PPARGC1A: variants seen among roughly 807,000 people sequenced by gnomAD.
The protein encoded by PPARGC1A is PPARG coactivator 1 alpha, also known as peroxisome proliferator-activated receptor gamma coactivator 1-alpha.
In PPARGC1A, 25 loss-of-function variants were observed where a neutral mutation model predicts 88.7. The observed-to-expected ratio is 0.28, with a 90% CI of 0.21 to 0.39. PPARGC1A has a LOEUF of 0.39. PPARGC1A is among the 10% of genes least tolerant of loss of function. The pLI is 1.00. For missense variants in PPARGC1A, 880 were observed against 968.7 expected, an observed-to-expected ratio of 0.91 and a Z score of 1.22; for synonymous variants, 363 against 355.6, an observed-to-expected ratio of 1.02 and a Z score of -0.24.
the PPARGC1A span, among the ~76,000 whole-genome samples, chr4:24,416,741 G>A: frequency 6.6e-6 from 1 of 152,096 alleles, no homozygotes; most frequent in Non-Finnish European, 1.5e-5. Flanking sequence ...TTAAAAACAG[G>A]GAAACATGGC....
the PPARGC1A span, among the ~76,000 whole-genome samples, chr4:24,000,325 A>G: frequency 6.6e-6 from 1 of 152,166 alleles, no homozygotes; most frequent in East Asian, 1.9e-4. Flanking sequence ...TTCTGTTGCT[A>G]TAACAGTTAC....
At chr4:24,460,727 G>C in the PPARGC1A span, among the ~76,000 whole-genome samples, 1 of 152,098 alleles carries the variant, frequency 6.6e-6, no homozygotes, top group Non-Finnish European at 1.5e-5. Context: ...CACAAAGAAA[G>C]ACCTAAAGGA....
chr4:24,078,253 C>A, the PPARGC1A span, among the ~76,000 whole-genome samples: 2 of 152,008 alleles, frequency 1.3e-5, no homozygotes, highest in African/African-American at 4.8e-5. Flanking sequence ...AACTTTACTG[C>A]AATGTGACAT....
chr4:24,299,678 G>A, the PPARGC1A span, among the ~76,000 whole-genome samples: 5 of 151,984 alleles, frequency 3.3e-5, no homozygotes, highest in East Asian at 1.9e-4. Context: ...CTGTGGCACC[G>A]AGCATAACAA....
the PPARGC1A span, among the ~76,000 whole-genome samples, chr4:24,316,265 G>C: frequency 6.6e-6 from 1 of 152,206 alleles, no homozygotes; most frequent in African/African-American, 2.4e-5. Context: ...GAGACAGCTA[G>C]ACCAGGATAG....
chr4:23,913,904 C>A, the PPARGC1A span, among the ~76,000 whole-genome samples: 10 of 152,210 alleles, frequency 6.6e-5, no homozygotes, highest in Non-Finnish European at 1.5e-4. Flanking sequence ...ATTCTACAGG[C>A]TGCACCTCAG....
chr4:23,843,076 A>T (rs1727350830), intron 2 of PPARGC1A, among the ~76,000 whole-genome samples: 1 of 152,066 alleles, frequency 6.6e-6, no homozygotes, highest in Admixed American at 6.6e-5. Flanking sequence ...GGCAGTCCTA[A>T]GGCAGCTCAG....
At chr4:24,251,720 C>T in the PPARGC1A span, among the ~76,000 whole-genome samples, 4 of 152,118 alleles carry the variant, frequency 2.6e-5, no homozygotes, top group Admixed American at 1.3e-4. Context: ...GGTCATTTTT[C>T]TGAGATTCTA....
At chr4:24,120,429 T>A in the PPARGC1A span, among the ~76,000 whole-genome samples, 1 of 152,192 alleles carries the variant, frequency 6.6e-6, no homozygotes, top group Non-Finnish European at 1.5e-5. Context: ...ACTTATTAGG[T>A]ACTGATTCCT....
chr4:24,431,264 A>G, the PPARGC1A span, among the ~76,000 whole-genome samples: 5 of 152,254 alleles, frequency 3.3e-5, no homozygotes, highest in South Asian at 4.1e-4. Context: ...TTCTAGATGG[A>G]AAGATTGATG....
the PPARGC1A span, among the ~76,000 whole-genome samples, chr4:24,345,969 G>T: frequency 1.3e-5 from 2 of 152,078 alleles, no homozygotes. Context: ...TGCTGATTTT[G>T]CTGAGAGTTT....
At chr4:24,175,663 C>G in the PPARGC1A span, among the ~76,000 whole-genome samples, 1 of 150,756 alleles carries the variant, frequency 6.6e-6, no homozygotes, top group African/African-American at 2.4e-5. Context: ...GCTGGGATTA[C>G]AGGCGTGAGC....
chr4:23,969,584 T>C, the PPARGC1A span, among the ~76,000 whole-genome samples: 1 of 152,232 alleles, frequency 6.6e-6, no homozygotes, highest in Non-Finnish European at 1.5e-5. Flanking sequence ...TACTCTATCC[T>C]AAGAAGTATT....
chr4:23,918,720 T>C, the PPARGC1A span, among the ~76,000 whole-genome samples: 10 of 152,170 alleles, frequency 6.6e-5, no homozygotes, highest in Non-Finnish European at 1.3e-4. Flanking sequence ...CATGGTCCCC[T>C]GTCTATTCTA....
chr4:24,081,357 A>T, the PPARGC1A span, among the ~76,000 whole-genome samples: 1 of 152,114 alleles, frequency 6.6e-6, no homozygotes, highest in Admixed American at 6.5e-5. Flanking sequence ...AGCTGACTTG[A>T]GGGAGACGGT....
Position 23,813,129 on chromosome 4 carries a change from C to A in PPARGC1A, c.1794-4G>T. The A allele has an allele frequency of 1.2e-6, 2 of 1,613,664 alleles. No individual in the cohort carries two copies. Among genetic ancestry groups the A allele is most frequent in the South Asian group, 1.1e-5 (1 of 91,050 alleles). ...TGACTCATAGTAATAGCAGGATCTG[C>A]GCCAGAGGAGAAAAGCAAAAAGGGC... is the stretch of plus-strand genomic sequence containing the variant. On this transcript the variant is annotated splice_polypyrimidine_tract_variant and splice_region_variant and intron_variant, in intron 8 of 12. Transcript: ENST00000264867.
intron 10 of PPARGC1A, 50 bp downstream of exon 10, chr4:23,812,697 A>C: frequency 6.2e-7 from 1 of 1,604,436 alleles, no homozygotes; most frequent in Non-Finnish European, 8.5e-7. Context: ...AAGCACACAG[A>C]AAAAGAAGAA....
chr4:24,382,885 GC>G, the PPARGC1A span, among the ~76,000 whole-genome samples: 3 of 152,294 alleles, frequency 2.0e-5, no homozygotes, highest in South Asian at 6.2e-4. Context: ...CTTGAGCTCT[GC>G]TAAGGGACAG....
chr4:24,425,043 C>G, the PPARGC1A span, among the ~76,000 whole-genome samples: 1 of 152,234 alleles, frequency 6.6e-6, no homozygotes. Context: ...TACAGTATCA[C>G]TTACCAATTA....
Sources: allele counts gnomAD v4.1 joint callset (sites outside exome capture counted in the v4.1 genomes callset), GRCh38; gene constraint gnomAD v4.1.1; transcripts MANE v1.5; gene names NCBI Gene and HGNC (gene_info 2026-07-23, HGNC 2026-07-21).